Variants in NHS observed in about 807,000 individuals in gnomAD.
NHS encodes actin remodeling regulator NHS.
In NHS, 5 loss-of-function variants were observed where a neutral mutation model predicts 72.5. The observed-to-expected ratio is 0.07, with a 90% CI of 0.04 to 0.14. The LOEUF is 0.14. Ranked by LOEUF, NHS falls within the 10% of genes least tolerant of loss-of-function variation. NHS has a pLI of 1.00. For missense variants in NHS, 1,072 were observed against 1,355.7 expected (o/e 0.79, Z 3.29); for synonymous variants, 464 against 547.7 (o/e 0.85, Z 2.13).
rs746214635 is a variant in NHS, at chrX:17,597,216, T to A, written c.566-90526T>A. 3.6e-3 allele frequency among the ~76,000 whole-genome samples: 367 copies of A among 103,124 alleles called. 1 individual carries two copies. The highest frequency in any genetic ancestry group is 0.013 in the African/African-American group (356 of 28,329). The allele number at this position is 103,124 out of a possible 115,157, so 89.6% of individuals were successfully genotyped here. On this transcript the variant is annotated intron_variant, in intron 1 of 8. Coordinates refer to ENST00000676302, the MANE Select transcript of NHS (RefSeq NM_001291867.2). ...CTCAGTGCAAGCTCCGCCTCCCGGG[T>A]TCACGCCATTCTCCTGCCTCAGCCT... is the stretch of plus-strand genomic sequence containing the variant.
At position 17,406,619 on chromosome X, in the gene NHS, TAAAACAAAAC is replaced by T. The variant is rs112988646; in HGVS notation, c.565+30314_565+30323del. Among the ~76,000 whole-genome samples, 8 of 111,317 alleles carry T rather than the reference TAAAACAAAAC, an allele frequency of 7.2e-5. No homozygotes were observed. In the East Asian group the frequency reaches 1.4e-3, roughly 20 times the overall value. ...GTTGTGCCATGGGACTCTTTTTCAT[TAAAACAAAAC>T]AAAACAAAACAAAACACCACGGAGC... On this transcript the variant is annotated intron_variant, in intron 1 of 8. Coordinates refer to ENST00000676302, the MANE Select transcript of NHS (RefSeq NM_001291867.2).
At chrX:17,697,856 T>C (rs2066240115) in intron 3 of NHS, among the ~76,000 whole-genome samples, 1 of 106,529 alleles carries the variant, frequency 9.4e-6, no homozygotes, top group East Asian at 2.9e-4. Flanking sequence ...GTTAACCAGA[T>C]AGTAAAGGCT....
At chrX:17,713,260 C>T (rs1276035560) in intron 3 of NHS, among the ~76,000 whole-genome samples, 1 of 111,274 alleles carries the variant, frequency 9.0e-6, no homozygotes, top group African/African-American at 3.3e-5. Flanking sequence ...AAGCTGAGGC[C>T]AATAGGACAC....
intron 1 of NHS, among the ~76,000 whole-genome samples, chrX:17,482,552 G>A (rs2064950440): frequency 8.9e-6 from 1 of 112,157 alleles, no homozygotes; most frequent in Admixed American, 9.5e-5. Flanking sequence ...TTCGTGATTG[G>A]TACTTGTTGA....
At chrX:17,539,936 G>C (rs1043444916) in intron 1 of NHS, among the ~76,000 whole-genome samples, 2 of 112,267 alleles carry the variant, frequency 1.8e-5, no homozygotes, top group African/African-American at 6.5e-5. Flanking sequence ...GGTGGAGCCT[G>C]TGTCAGCCTG....
chrX:17,651,184 C>T (rs1454855361), intron 1 of NHS, among the ~76,000 whole-genome samples: 1 of 111,990 alleles, frequency 8.9e-6, no homozygotes, highest in Non-Finnish European at 1.9e-5. Context: ...AGATGTTTCC[C>T]AGCCATGGGT....
At chrX:17,614,317 A>C (rs1448591501) in intron 1 of NHS, among the ~76,000 whole-genome samples, 1 of 112,081 alleles carries the variant, frequency 8.9e-6, no homozygotes, top group African/African-American at 3.2e-5. Flanking sequence ...TTCTGAGAGC[A>C]GAAGGAAGGA....
intron 1 of NHS, among the ~76,000 whole-genome samples, chrX:17,684,410 G>A (rs766826296): frequency 7.2e-5 from 8 of 111,377 alleles, no homozygotes; most frequent in Non-Finnish European, 1.5e-4. Flanking sequence ...GGTTAACTGG[G>A]CTGAAATCAA....
intron 1 of NHS, among the ~76,000 whole-genome samples, chrX:17,418,933 G>A (rs919543813): frequency 8.9e-6 from 1 of 112,175 alleles, no homozygotes; most frequent in Non-Finnish European, 1.9e-5. Flanking sequence ...ACTGATAAAC[G>A]TTAAGTTTCA....
chrX:17,458,896 G>A (rs892453946), intron 1 of NHS, among the ~76,000 whole-genome samples: 2 of 112,110 alleles, frequency 1.8e-5, no homozygotes, highest in Non-Finnish European at 3.8e-5. Flanking sequence ...CTCTAAGTTT[G>A]GTCCATGGAC....
chrX:17,728,595 A>G, intron 7 of NHS, 54 bp from the exon 8 acceptor site: 1 of 1,190,751 alleles, frequency 8.4e-7, no homozygotes, highest in South Asian at 1.8e-5. Context: ...TCAGTGAAGT[A>G]CAGTAGCGTG....
At chrX:17,519,366 G>T (rs2065136311) in intron 1 of NHS, among the ~76,000 whole-genome samples, 1 of 112,355 alleles carries the variant, frequency 8.9e-6, no homozygotes, top group African/African-American at 3.2e-5. Flanking sequence ...TATTTTGGGG[G>T]AAGTGTTTAT....
rs547158406 is a variant in NHS at position 17,377,270 on chromosome X, A to G, written c.565+948A>G. Among the ~76,000 whole-genome samples, 43 of 112,507 alleles carry G rather than the reference A, an allele frequency of 3.8e-4. No homozygotes were observed. The South Asian group carries it at 0.015, about 40-fold the overall frequency. On this transcript the variant is annotated intron_variant, in intron 1 of 8. Coordinates refer to ENST00000676302, the MANE Select transcript of NHS (RefSeq NM_001291867.2). ...GCTGTCCGTTGACTTCGCTTTTACG[A>G]CACCCAAGGGCTCCCAATAAATAGT... is the stretch of plus-strand genomic sequence containing the variant.
At chrX:17,715,404 C>T (rs769399308) in intron 3 of NHS, among the ~76,000 whole-genome samples, 2 of 112,417 alleles carry the variant, frequency 1.8e-5, no homozygotes, top group African/African-American at 3.2e-5. Context: ...ATATTTAACA[C>T]ATTTTCTTTA....
chrX:17,645,830 A>G (rs902022844), intron 1 of NHS, among the ~76,000 whole-genome samples: 2 of 112,485 alleles, frequency 1.8e-5, no homozygotes, highest in Non-Finnish European at 3.7e-5. Context: ...TTATGAGAGA[A>G]GGAGCTCCTG....
chrX:17,611,459 C>T (rs748155633), intron 1 of NHS, among the ~76,000 whole-genome samples: 15 of 111,408 alleles, frequency 1.3e-4, no homozygotes, highest in South Asian at 1.1e-3. Context: ...CCTCCCCCTA[C>T]GGAAACATAA....
chrX:17,399,585 T>C (rs2064493644), intron 1 of NHS, among the ~76,000 whole-genome samples: 1 of 111,736 alleles, frequency 8.9e-6, no homozygotes, highest in African/African-American at 3.3e-5. Flanking sequence ...GGGATAAATT[T>C]ATCCTCATCA....
At chrX:17,615,349 C>G (rs1409513297) in intron 1 of NHS, among the ~76,000 whole-genome samples, 1 of 105,392 alleles carries the variant, frequency 9.5e-6, no homozygotes, top group East Asian at 3.0e-4. Flanking sequence ...GTCTTCTGGG[C>G]TCAAGTGATC....
At position 17,733,768 on chromosome X, in the gene NHS, A is replaced by G. The variant is rs1341568677; in HGVS notation, c.*1304A>G. The G allele has an allele frequency of 8.9e-6, 1 of 112,098 alleles. No individual in the cohort carries two copies. The highest frequency in any genetic ancestry group is 1.9e-5 in the Non-Finnish European group (1 of 53,215). The allele number at this position is 112,098 out of a possible 1,213,427, so 9.2% of individuals were successfully genotyped here. A position where few individuals can be genotyped will look rare whatever the true frequency, so the allele number is the denominator to read the frequency against. On this transcript the variant is annotated 3_prime_UTR_variant, in exon 9 of 9. Transcript: ENST00000676302. Reference sequence around the variant, plus strand: ...GAATGGGGAACAGCTCTGGTTCACAATACTACATACAACTGAGTTTTTGTC... The same window carrying G: ...GAATGGGGAACAGCTCTGGTTCACAGTACTACATACAACTGAGTTTTTGTC...
Sources: allele counts gnomAD v4.1 joint callset (sites outside exome capture counted in the v4.1 genomes callset), GRCh38; gene constraint gnomAD v4.1.1; transcripts MANE v1.5; gene names NCBI Gene and HGNC (gene_info 2026-07-23, HGNC 2026-07-21).